SNX31: variants seen among roughly 807,000 people sequenced by gnomAD.
SNX31 encodes the protein sorting nexin 31.
SNX31 carries 58 observed loss-of-function variants against 65.4 expected under a neutral mutation model. That is an observed-to-expected ratio of 0.89 (90% CI 0.72 to 1.10). The LOEUF (loss-of-function observed/expected upper bound fraction) is 1.10, where lower values mean the gene tolerates loss of function less well. SNX31 is among the 50% of genes least tolerant of loss of function. SNX31 has a pLI of 0.00. For synonymous variants in SNX31, 181 were observed against 190.1 expected, an observed-to-expected ratio of 0.95 and a Z score of 0.39; for missense variants, 523 against 529.7, an observed-to-expected ratio of 0.99 and a Z score of 0.12.
At chr8:100,591,754 A>T (rs541534886) in intron 10 of SNX31, among the ~76,000 whole-genome samples, 7 of 151,324 alleles carry the variant, frequency 4.6e-5, no homozygotes, top group East Asian at 2.0e-4. Context: ...TCTCGAGCCC[A>T]CAGGGTTGAG....
At position 100,612,741 on chromosome 8, in the gene SNX31, G is replaced by A. The variant is rs1816823584; in HGVS notation, c.523+254C>T. ...GTCAGGCCGGGCCTGCGGTAAAGGG[G>A]AGGGGGTCAGGATTAGGGCTGGGGG... On this transcript the variant is annotated intron_variant, in intron 6 of 13. Transcript: ENST00000311812. This position sits in a 1 kb window ranked among gnomAD's most constrained non-coding sequence, Gnocchi z 4.3. Among the ~76,000 whole-genome samples, 1 of 152,178 alleles carries A rather than the reference G, an allele frequency of 6.6e-6. No individual in the cohort carries two copies. Among genetic ancestry groups the A allele is most frequent in the African/African-American group, 2.4e-5 (1 of 41,430 alleles).
In SNX31 at chr8:100,630,322, C is replaced by T. The variant is rs767238515; in HGVS notation, c.321+5G>A. ...GATGGCCCCATTAAAGAAGAGCAAG[C>T]TTACCAGCTGCGCCAGTTTTAAAAA... On this transcript the variant is annotated splice_donor_5th_base_variant and intron_variant, in intron 4 of 13. Transcript: ENST00000311812. This position sits in a 1 kb window ranked among gnomAD's most constrained non-coding sequence, Gnocchi z 5.3. 3.7e-6 allele frequency: 6 copies of T among 1,613,406 alleles called. No individual in the cohort carries two copies. Among genetic ancestry groups the T allele is most frequent in the Non-Finnish European group, 5.1e-6 (6 of 1,179,726 alleles).
rs1323826057 is a variant in SNX31 at position 100,612,930 on chromosome 8, A to G, written c.523+65T>C. ...GGCCAGCCCCTCAGCTGTGACTCCT[A>G]TGAGCCCCTGCTCACACCTGTCCAC... On this transcript the variant is annotated intron_variant, in intron 6 of 13. Transcript: ENST00000311812. The surrounding 1 kb of genome is among the most constrained non-coding windows in gnomAD (Gnocchi z 4.3). 1.1e-5 allele frequency: 16 copies of G among 1,402,986 alleles called. No homozygotes were observed. The East Asian group carries it at 1.8e-4, about 16-fold the overall frequency. The allele number at this position is 1,402,986 out of a possible 1,614,324, so 86.9% of individuals were successfully genotyped here.
chr8:100,663,025 A>ATG (rs1809813513), intron 1 of SNX31: 1 of 152,252 alleles, frequency 6.6e-6, no homozygotes, highest in Admixed American at 6.5e-5. Context: ...GGAACAGAAA[A>ATG]CAAACTACCA....
Position 100,660,580 on chromosome 8 carries a change from G to A in SNX31, c.-58+2562C>T, listed in dbSNP as rs560885506. On this transcript the variant is annotated intron_variant, in intron 1 of 5. Transcript: ENST00000520352. This position sits in a 1 kb window ranked among gnomAD's most constrained non-coding sequence, Gnocchi z 4.1. The stretch of plus-strand genomic sequence containing the variant: ...CGGGGCTCTAACTCAAGTGGCAGGC[G>A]TCCCTGACCTGACAGAAGAAGGTTC... Among the ~76,000 whole-genome samples the A allele has an allele frequency of 2.7e-4, 41 of 152,234 alleles. 1 individual carries two copies. The South Asian group carries it at 6.6e-3, about 25-fold the overall frequency.
At chr8:100,653,477 A>T (rs1820007897), upstream of SNX31, among the ~76,000 whole-genome samples, 1 of 152,208 alleles carries the variant, frequency 6.6e-6, no homozygotes, top group Non-Finnish European at 1.5e-5. Flanking sequence ...ACAGAAAAGG[A>T]AATACAGAGA....
At chr8:100,574,045 T>G (rs1204490770) in intron 13 of SNX31, 85 bp from the exon 14 acceptor site, 1 of 720,752 alleles carries the variant, frequency 1.4e-6, no homozygotes, top group African/African-American at 1.8e-5. Flanking sequence ...GTTAAAACAG[T>G]ATTGAAAGGG....
In SNX31 at chr8:100,630,823, A is replaced by G. The variant is rs1214708949; in HGVS notation, c.257-432T>C. Among the ~76,000 whole-genome samples the G allele has an allele frequency of 1.3e-5, 2 of 152,170 alleles. No homozygotes were observed. The highest frequency in any genetic ancestry group is 2.9e-5 in the Non-Finnish European group (2 of 68,032). On this transcript the variant is annotated intron_variant, in intron 3 of 13. Coordinates refer to ENST00000311812, the MANE Select transcript of SNX31 (RefSeq NM_152628.4). This position sits in a 1 kb window ranked among gnomAD's most constrained non-coding sequence, Gnocchi z 5.3. ...AGAGCACCTCTTTGGAGTCTCGCCC[A>G]GTCGCCCAGGCTGGAGTGTAGTGGC... is the stretch of plus-strand genomic sequence containing the variant.
chr8:100,624,146 G>T (rs935104615), intron 4 of SNX31, among the ~76,000 whole-genome samples: 1 of 152,016 alleles, frequency 6.6e-6, no homozygotes, highest in Admixed American at 6.6e-5. Context: ...CAGTGGATAG[G>T]GTCTAAAAAT....
At chr8:100,644,863 C>T (rs1819520189) in intron 2 of SNX31, among the ~76,000 whole-genome samples, 1 of 152,182 alleles carries the variant, frequency 6.6e-6, no homozygotes, top group Non-Finnish European at 1.5e-5. Flanking sequence ...CGGGGTTTTA[C>T]CATTGCCCAG....
chr8:100,601,896 A>G (rs1403679115), intron 8 of SNX31, among the ~76,000 whole-genome samples: 1 of 107,156 alleles, frequency 9.3e-6, no homozygotes, highest in Non-Finnish European at 1.7e-5. Flanking sequence ...ACCCTCCCTG[A>G]GCAGGCACCT....
chr8:100,593,086 G>A (rs1262994900), intron 10 of SNX31, among the ~76,000 whole-genome samples: 1 of 152,128 alleles, frequency 6.6e-6, no homozygotes, highest in Non-Finnish European at 1.5e-5. Flanking sequence ...GTGATAAAGT[G>A]TTCTAAAATT....
chr8:100,650,755 T>C (rs552107646), upstream of SNX31, among the ~76,000 whole-genome samples: 20 of 152,250 alleles, frequency 1.3e-4, no homozygotes, highest in South Asian at 3.1e-3. Context: ...CAGTATCATA[T>C]AGTAGTTAAG....
rs1331116076 is a variant in SNX31, at chr8:100,578,209, C to T, written c.1171-1134G>A. Among the ~76,000 whole-genome samples, 1 of 152,178 alleles carries T rather than the reference C, an allele frequency of 6.6e-6. No homozygotes were observed. Among genetic ancestry groups the T allele is most frequent in the Non-Finnish European group, 1.5e-5 (1 of 68,036 alleles). The stretch of plus-strand genomic sequence containing the variant: ...GAATCTGGAAAGGCAGAGTGCCTGG[C>T]ACACCTAGTAAACACCACCTAGCCA... On this transcript the variant is annotated intron_variant, in intron 12 of 13. Coordinates refer to ENST00000311812, the MANE Select transcript of SNX31 (RefSeq NM_152628.4). The surrounding 1 kb of genome is among the most constrained non-coding windows in gnomAD (Gnocchi z 4.7).
chr8:100,603,013 A>G (rs1164388314), intron 8 of SNX31, among the ~76,000 whole-genome samples: 2 of 152,174 alleles, frequency 1.3e-5, no homozygotes, highest in Non-Finnish European at 2.9e-5. Flanking sequence ...TATGATGTTC[A>G]AGATGACCCA....
At chr8:100,599,957 C>T (rs1815468161) in intron 9 of SNX31, among the ~76,000 whole-genome samples, 1 of 152,134 alleles carries the variant, frequency 6.6e-6, no homozygotes, top group Non-Finnish European at 1.5e-5. Context: ...TTATACACAG[C>T]CCTGGGCCTC....
chr8:100,617,919 C>A (rs1817368150), intron 4 of SNX31, among the ~76,000 whole-genome samples, 189 bp from the exon 5 acceptor site: 1 of 152,024 alleles, frequency 6.6e-6, no homozygotes, highest in South Asian at 2.1e-4. Context: ...CACCCACCAC[C>A]ACGTCCAGCT....
At chr8:100,608,909 C>T (rs1816445033) in intron 7 of SNX31, among the ~76,000 whole-genome samples, 1 of 152,156 alleles carries the variant, frequency 6.6e-6, no homozygotes, top group Admixed American at 6.5e-5. Flanking sequence ...TCAACTGCCC[C>T]ACACAGACCT....
At chr8:100,657,635 A>G (rs1386992087) in intron 1 of SNX31, 2 of 455,616 alleles carry the variant, frequency 4.4e-6, no homozygotes, top group Non-Finnish European at 8.8e-6. Flanking sequence ...GTCCAGCTGG[A>G]GGGCTTGGGA....
Sources: gnomAD v4.1 joint callset for allele counts (sites outside exome capture counted in the v4.1 genomes callset) on GRCh38, gnomAD v4.1.1 for gene constraint, Gnocchi (gnomAD v3.1) non-coding constraint, MANE v1.5 for transcripts, NCBI Gene and HGNC (gene_info 2026-07-23, HGNC 2026-07-21) for gene names.